The following TAFA2 variants were observed in gnomAD, a reference collection of about 807,000 sequenced individuals.
The protein encoded by TAFA2 is chemokine-like protein TAFA-2.
A neutral mutation model predicts 18.8 loss-of-function variants in TAFA2; 7 were observed. That is an observed-to-expected ratio of 0.37 (90% CI 0.21 to 0.70). The LOEUF is 0.70. Ranked by LOEUF, TAFA2 falls within the 30% of genes least tolerant of loss-of-function variation. The pLI, the probability that TAFA2 is intolerant of heterozygous loss-of-function variation, is 0.53. For synonymous variants in TAFA2, 60 were observed against 54.2 expected, an observed-to-expected ratio of 1.11 and a Z score of -0.47; for missense variants, 122 against 158.1, an observed-to-expected ratio of 0.77 and a Z score of 1.23.
At chr12:61,905,030 C>T (rs1446230611) in intron 1 of TAFA2, among the ~76,000 whole-genome samples, 1 of 152,130 alleles carries the variant, frequency 6.6e-6, no homozygotes, top group Non-Finnish European at 1.5e-5. Flanking sequence ...ACCTTCAGTA[C>T]CTACTGGACA....
chr12:61,849,119 C>T (rs1873533369), intron 2 of TAFA2, among the ~76,000 whole-genome samples: 1 of 152,138 alleles, frequency 6.6e-6, no homozygotes, highest in African/African-American at 2.4e-5. Flanking sequence ...GCTGGAATTA[C>T]AGGCATGAGT....
In TAFA2 at chr12:62,088,397, C is replaced by G. The variant is rs563306912; in HGVS notation, c.-2+102862G>C. 2.6e-5 allele frequency among the ~76,000 whole-genome samples: 4 copies of G among 151,894 alleles called. No homozygotes were observed. The South Asian group carries it at 8.3e-4, about 32-fold the overall frequency. On this transcript the variant is annotated intron_variant, in intron 1 of 4. Transcript: ENST00000416284. ...GAAATACAAGAGAAAAGGAGCAATTCCCAGGAGACAGCAGCACGTACAGGA... is the reference window on the plus strand; with the variant it reads ...GAAATACAAGAGAAAAGGAGCAATTGCCAGGAGACAGCAGCACGTACAGGA...
chr12:61,961,451 T>A (rs1417530107), intron 1 of TAFA2, among the ~76,000 whole-genome samples: 1 of 152,166 alleles, frequency 6.6e-6, no homozygotes, highest in South Asian at 2.1e-4. Flanking sequence ...TAATCAAAAA[T>A]GTATTCTAGA....
At chr12:62,102,483 G>C (rs1461127019) in intron 1 of TAFA2, among the ~76,000 whole-genome samples, 1 of 152,134 alleles carries the variant, frequency 6.6e-6, no homozygotes, top group Non-Finnish European at 1.5e-5. Flanking sequence ...ATTGACAGCT[G>C]GTGACTAGGG....
chr12:62,203,143 G>T (rs904146165), intron 1 of TAFA2, among the ~76,000 whole-genome samples: 1 of 152,136 alleles, frequency 6.6e-6, no homozygotes, highest in African/African-American at 2.4e-5. Flanking sequence ...TAGTTATGTG[G>T]TTCTGAGGGG....
At position 61,992,963 on chromosome 12, in the gene TAFA2, T is replaced by C. The variant is rs555562853; in HGVS notation, c.-1-125537A>G. 4.8e-4 allele frequency among the ~76,000 whole-genome samples: 73 copies of C among 152,290 alleles called. No individual in the cohort carries two copies. The South Asian group carries it at 0.015, about 31-fold the overall frequency. ...CCTGATGCCTGCATCATGTCAAACCTTCATGAAAACTCTGAAGACAAGCAT... is the reference window on the plus strand; with the variant it reads ...CCTGATGCCTGCATCATGTCAAACCCTCATGAAAACTCTGAAGACAAGCAT... On this transcript the variant is annotated intron_variant, in intron 1 of 4. Coordinates refer to ENST00000416284, the MANE Select transcript of TAFA2 (RefSeq NM_178539.5).
At position 62,203,303 on chromosome 12, in the gene TAFA2, C is replaced by T. The variant is rs148338138; in HGVS notation, c.-130+55460G>A. ...AAGCGCCATGTGGCGCCAAGAATAA[C>T]GTATATTCTGTTGTTTTTGGGTGGA... On this transcript the variant is annotated intron_variant, in intron 1 of 5. Coordinates refer to the TAFA2 transcript ENST00000551619. 2.5e-3 allele frequency among the ~76,000 whole-genome samples: 384 copies of T among 152,308 alleles called. 2 individuals carry two copies. Among genetic ancestry groups the T allele is most frequent in the African/African-American group, 9.0e-3 (374 of 41,580 alleles).
At chr12:61,859,098 A>T (rs1358923935) in intron 2 of TAFA2, among the ~76,000 whole-genome samples, 1 of 152,236 alleles carries the variant, frequency 6.6e-6, no homozygotes, top group African/African-American at 2.4e-5. Flanking sequence ...TTTATAAAGG[A>T]AAGAGGTTTA....
chr12:62,070,332 A>C (rs867427631), intron 1 of TAFA2: 5 of 152,336 alleles, frequency 3.3e-5, no homozygotes, highest in Non-Finnish European at 7.3e-5. Flanking sequence ...TATGCTACAA[A>C]GCTCATGAGA....
chr12:62,255,388 A>G (rs529562197), intron 1 of TAFA2: 5 of 152,344 alleles, frequency 3.3e-5, no homozygotes, highest in African/African-American at 1.2e-4. Flanking sequence ...GATTTTATCT[A>G]TATCACTCTT....
chr12:61,954,876 G>GTTCATTGGT (rs537451913), intron 1 of TAFA2, among the ~76,000 whole-genome samples: 366 of 152,220 alleles, frequency 2.4e-3, no homozygotes, highest in African/African-American at 8.4e-3. Flanking sequence ...CTCATAGGAA[G>GTTCATTGGT]TCCTATTTCA....
intron 1 of TAFA2, among the ~76,000 whole-genome samples, chr12:61,977,957 G>T (rs1879496476): frequency 6.6e-6 from 1 of 151,868 alleles, no homozygotes; most frequent in African/African-American, 2.4e-5. Flanking sequence ...AGTAGATTAG[G>T]GTTTTGCCTT....
chr12:61,852,534 A>G (rs531781685), intron 2 of TAFA2, among the ~76,000 whole-genome samples: 7 of 152,346 alleles, frequency 4.6e-5, no homozygotes, highest in African/African-American at 1.7e-4. Flanking sequence ...ATCCAGGGGT[A>G]GGAATATCCT....
At chr12:61,746,371 C>T (rs1438506182) in intron 4 of TAFA2, among the ~76,000 whole-genome samples, 1 of 152,042 alleles carries the variant, frequency 6.6e-6, no homozygotes, top group Non-Finnish European at 1.5e-5. Context: ...TTATAAATTA[C>T]CCAGTCTCAG....
chr12:62,124,393 A>G (rs188204607), intron 1 of TAFA2, among the ~76,000 whole-genome samples: 1 of 152,172 alleles, frequency 6.6e-6, no homozygotes, highest in Non-Finnish European at 1.5e-5. Flanking sequence ...ACCCAAGAGT[A>G]GAGTATATTG....
At chr12:61,877,490 G>A (rs538240509) in intron 1 of TAFA2, among the ~76,000 whole-genome samples, 2 of 152,244 alleles carry the variant, frequency 1.3e-5, no homozygotes, top group Non-Finnish European at 2.9e-5. Flanking sequence ...ATGCCCCAAG[G>A]TGGTGGTGGA....
chr12:62,051,001 G>C (rs1211974910), intron 1 of TAFA2, among the ~76,000 whole-genome samples: 2 of 152,290 alleles, frequency 1.3e-5, no homozygotes, highest in African/African-American at 4.8e-5. Context: ...GAGTTCTCCA[G>C]GATTTCCAAA....
At chr12:61,784,414 G>A (rs778172280) in intron 2 of TAFA2, among the ~76,000 whole-genome samples, 3 of 151,464 alleles carry the variant, frequency 2.0e-5, no homozygotes, top group African/African-American at 4.8e-5. Context: ...TCCATCTCTC[G>A]TCCTCAGAGT....
chr12:61,758,913 AG>A (rs1337084668), intron 2 of TAFA2, among the ~76,000 whole-genome samples: 1 of 151,984 alleles, frequency 6.6e-6, no homozygotes, highest in Non-Finnish European at 1.5e-5. Flanking sequence ...TTCTTCAGAT[AG>A]TGACATCAGT....
Sources: gnomAD v4.1 joint callset for allele counts (sites outside exome capture counted in the v4.1 genomes callset) on GRCh38, gnomAD v4.1.1 for gene constraint, MANE v1.5 for transcripts, NCBI Gene and HGNC (gene_info 2026-07-23, HGNC 2026-07-21) for gene names.